The following POF1B variants were observed in gnomAD, a reference collection of about 807,000 sequenced individuals.
POF1B encodes protein POF1B.
Under a neutral mutation model 55.3 loss-of-function variants are expected in POF1B, and 53 were observed. That is an observed-to-expected ratio of 0.96 (90% CI 0.77 to 1.20). The LOEUF is 1.20. Among genes scored for constraint, POF1B ranks in the 50% most tolerant of loss-of-function variants. POF1B has a pLI of 0.00. For synonymous variants in POF1B, 188 were observed against 148.3 expected, an observed-to-expected ratio of 1.27 and a Z score of -1.95; for missense variants, 478 against 420.5, an observed-to-expected ratio of 1.14 and a Z score of -1.20.
chrX:85,288,418 A>G (rs1312631281), intron 15 of POF1B, among the ~76,000 whole-genome samples: 1 of 111,526 alleles, frequency 9.0e-6, no homozygotes, highest in Non-Finnish European at 1.9e-5. Context: ...TGAGAGGAGC[A>G]AGCCAAGGAG....
intron 2 of POF1B, among the ~76,000 whole-genome samples, chrX:85,378,060 C>A (rs1443598048): frequency 1.8e-5 from 2 of 111,620 alleles, no homozygotes; most frequent in Non-Finnish European, 3.8e-5. Context: ...TATTGGAGTG[C>A]ACATTTGCAT....
chrX:85,351,836 ATT>A (rs752055903), intron 4 of POF1B, among the ~76,000 whole-genome samples: 1 of 110,937 alleles, frequency 9.0e-6, no homozygotes, highest in Non-Finnish European at 1.9e-5. Context: ...ATGCAAAAAT[ATT>A]GTTGGAGAAA....
chrX:85,364,544 A>AT (rs760580823), intron 3 of POF1B, among the ~76,000 whole-genome samples: 7 of 110,839 alleles, frequency 6.3e-5, no homozygotes, highest in South Asian at 3.8e-4. Context: ...TTGTTTGATG[A>AT]TTTTTTTTCT....
At chrX:85,323,884 GTCT>G (rs1389167576) in intron 7 of POF1B, among the ~76,000 whole-genome samples, 1 of 111,209 alleles carries the variant, frequency 9.0e-6, no homozygotes, top group East Asian at 2.8e-4. Flanking sequence ...ACATTGCTTT[GTCT>G]ATATCCCAGA....
intron 15 of POF1B, among the ~76,000 whole-genome samples, chrX:85,293,964 ACT>A (rs1427445991): frequency 1.0e-5 from 1 of 98,029 alleles, no homozygotes; most frequent in African/African-American, 4.2e-5. Flanking sequence ...ACAGAGCAAG[ACT>A]CTGTCAAAAA....
At chrX:85,315,682 G>A (rs771823719) in intron 8 of POF1B, 25 bp downstream of exon 8, 6 of 1,124,787 alleles carry the variant, frequency 5.3e-6, no homozygotes, top group Admixed American at 5.8e-5. Context: ...TACTATATTC[G>A]ATTTTCAACT....
chrX:85,374,784 G>T (rs1933893642), intron 2 of POF1B, among the ~76,000 whole-genome samples: 2 of 112,087 alleles, frequency 1.8e-5, no homozygotes, highest in African/African-American at 6.5e-5. Context: ...GAATAGTATG[G>T]GAGATGTTTT....
chrX:85,315,790 A>G, intron 7 of POF1B, 56 bp from the exon 8 acceptor site: 1 of 909,733 alleles, frequency 1.1e-6, no homozygotes, highest in Non-Finnish European at 1.5e-6. Context: ...CACTGATCAT[A>G]TATAAATGCT....
intron 10 of POF1B, among the ~76,000 whole-genome samples, chrX:85,307,887 C>T: frequency 9.0e-6 from 1 of 111,648 alleles, no homozygotes; most frequent in African/African-American, 3.2e-5. Flanking sequence ...ATTAAATTGC[C>T]TTAGTGGTAA....
chrX:85,297,080 A>G (rs1285822305), intron 15 of POF1B, among the ~76,000 whole-genome samples: 1 of 111,942 alleles, frequency 8.9e-6, no homozygotes, highest in Non-Finnish European at 1.9e-5. Flanking sequence ...CAGAAGTTCC[A>G]TTTGGTTCTT....
chrX:85,284,916 G>T (rs1442154344), intron 15 of POF1B, among the ~76,000 whole-genome samples: 1 of 111,665 alleles, frequency 9.0e-6, no homozygotes, highest in African/African-American at 3.3e-5. Context: ...ATCTGACAAA[G>T]GGCTAATATA....
intron 8 of POF1B, among the ~76,000 whole-genome samples, chrX:85,315,132 TA>T (rs1209749482): frequency 1.8e-5 from 2 of 111,622 alleles, no homozygotes; most frequent in Non-Finnish European, 3.8e-5. Flanking sequence ...AAAAAATGAT[TA>T]AAAACACTAA....
In POF1B at chrX:85,345,902, T is replaced by A; in HGVS notation, c.681A>T (p.Gly227=). The A allele has an allele frequency of 8.3e-7, 1 of 1,207,939 alleles. No individual in the cohort carries two copies. Among genetic ancestry groups the A allele is most frequent in the South Asian group, 1.8e-5 (1 of 56,516 alleles). The part of the protein sequence containing the change: ...TGNNPISTHI[G]NELCHSGSSQ... ...TTGATCCACTATGGCACAGTTCATT[T>A]CCAATATGTGTAGAAATTGGATTAT... Residue 227 remains glycine (G), a synonymous_variant, in exon 6 of 17, where the codon GGA becomes GGT. Transcript: ENST00000262753.
chrX:85,348,901 G>T (rs935240972), intron 5 of POF1B, among the ~76,000 whole-genome samples: 2 of 111,425 alleles, frequency 1.8e-5, no homozygotes, highest in African/African-American at 3.2e-5. Context: ...AGCATGAAAT[G>T]ATTTGCCTCT....
At chrX:85,365,086 T>C (rs7063124) in intron 3 of POF1B, among the ~76,000 whole-genome samples, 11,082 of 111,625 alleles carry the variant, frequency 0.099, 1,308 homozygotes, top group African/African-American at 0.33. Context: ...TTCTAGTGTG[T>C]TTTTTCAGCT....
chrX:85,356,802 A>G (rs1933510482), intron 4 of POF1B, among the ~76,000 whole-genome samples: 1 of 111,392 alleles, frequency 9.0e-6, no homozygotes, highest in African/African-American at 3.3e-5. Flanking sequence ...TCAAAGTGGC[A>G]GATCTTATAA....
At chrX:85,343,974 A>G (rs1399479115) in intron 6 of POF1B, among the ~76,000 whole-genome samples, 1 of 111,306 alleles carries the variant, frequency 9.0e-6, no homozygotes, top group African/African-American at 3.3e-5. Flanking sequence ...CGGTTACCTT[A>G]TATGAGCAAT....
chrX:85,295,129 T>C (rs963323857), intron 15 of POF1B, among the ~76,000 whole-genome samples: 1 of 112,089 alleles, frequency 8.9e-6, no homozygotes, highest in Non-Finnish European at 1.9e-5. Context: ...TTAATCTAGC[T>C]AGTGTTCAAT....
chrX:85,347,005 A>G (rs1933286510), intron 5 of POF1B, among the ~76,000 whole-genome samples: 1 of 110,848 alleles, frequency 9.0e-6, no homozygotes, highest in African/African-American at 3.3e-5. Context: ...GATATTCTGG[A>G]ATTTGTTGTT....
Sources: allele counts gnomAD v4.1 joint callset (sites outside exome capture counted in the v4.1 genomes callset), GRCh38; gene constraint gnomAD v4.1.1; transcripts MANE v1.5; gene names NCBI Gene and HGNC (gene_info 2026-07-23, HGNC 2026-07-21).